The following DNAH11 variants were observed in gnomAD, a reference collection of about 807,000 sequenced individuals.
DNAH11 encodes dynein axonemal heavy chain 11.
A neutral mutation model predicts 526.0 loss-of-function variants in DNAH11; 442 were observed. The observed-to-expected ratio is 0.84, with a 90% CI of 0.78 to 0.91. DNAH11 has a LOEUF of 0.91. Among genes scored for constraint, DNAH11 ranks in the 40% least tolerant of loss-of-function variants. The probability of loss-of-function intolerance (pLI) is 0.00; values close to 1 mark genes in which losing one functional copy is unlikely to be tolerated. For synonymous variants in DNAH11, 2,461 were observed against 1,935.9 expected (o/e 1.27, Z -7.12); for missense variants, 6,989 against 5,448.7 (o/e 1.28, Z -8.90).
At chr7:21,652,121 A>G (rs1411824710) in intron 28 of DNAH11, among the ~76,000 whole-genome samples, 1 of 152,242 alleles carries the variant, frequency 6.6e-6, no homozygotes, top group Non-Finnish European at 1.5e-5. Flanking sequence ...GAGCTGACGG[A>G]CAGTGATGAC....
chr7:21,628,067 T>C (rs1413310123), intron 25 of DNAH11, among the ~76,000 whole-genome samples: 2 of 152,190 alleles, frequency 1.3e-5, no homozygotes, highest in African/African-American at 4.8e-5. Context: ...TGTGATTGCC[T>C]TCTTGATTTC....
chr7:21,745,093 C>G (rs1337401241), intron 51 of DNAH11, 30 bp downstream of exon 51: 1 of 1,577,186 alleles, frequency 6.3e-7, no homozygotes, highest in South Asian at 1.2e-5. Flanking sequence ...TGCTTTTCCA[C>G]AAAAGGAAGA....
chr7:21,692,688 A>G (rs1225473530), intron 35 of DNAH11, among the ~76,000 whole-genome samples: 5 of 152,200 alleles, frequency 3.3e-5, no homozygotes, highest in Non-Finnish European at 7.3e-5. Context: ...ACAGATATCT[A>G]TGGCTGGAAT....
chr7:21,619,244 C>G (rs1381851278), intron 24 of DNAH11, 22 bp downstream of exon 24: 1 of 1,602,426 alleles, frequency 6.2e-7, no homozygotes, highest in African/African-American at 1.3e-5. Context: ...GGGACTGGGT[C>G]ATTTCTACTT....
chr7:21,586,503 A>C (rs1305853493), intron 9 of DNAH11, among the ~76,000 whole-genome samples: 8 of 152,180 alleles, frequency 5.3e-5, no homozygotes, highest in Non-Finnish European at 1.5e-5. Context: ...TGTTTGTCTA[A>C]ATTGATCCCT....
intron 25 of DNAH11, among the ~76,000 whole-genome samples, chr7:21,623,845 T>C (rs1404984367): frequency 1.3e-5 from 2 of 151,570 alleles, no homozygotes; most frequent in African/African-American, 2.4e-5. Context: ...GGGATAGCAT[T>C]AGGAGATACA....
At chr7:21,580,971 G>C (rs1784286199) in intron 8 of DNAH11, among the ~76,000 whole-genome samples, 1 of 152,108 alleles carries the variant, frequency 6.6e-6, no homozygotes, top group East Asian at 1.9e-4. Flanking sequence ...AGTTTGTTTT[G>C]TCACCTATAA....
At position 21,698,108 on chromosome 7, in the gene DNAH11, A is replaced by G. The variant is rs1208136502; in HGVS notation, c.6075A>G (p.Leu2025=). ...CCATGGTGGCCCCTGACATTGAGCT[A>G]ATCTGTGAAATCTTGTTAGTTGCTG... ...PCAMVAPDIE[L]ICEILLVAEG... is the part of the protein sequence containing the mutation. Residue 2025 remains leucine (L), a synonymous_variant, in exon 36 of 82, where the codon CTA becomes CTG. Transcript: ENST00000409508. The G allele has an allele frequency of 6.2e-7, 1 of 1,613,358 alleles. No homozygotes were observed. Among genetic ancestry groups the G allele is most frequent in the East Asian group, 2.2e-5 (1 of 44,892 alleles).
intron 69 of DNAH11, among the ~76,000 whole-genome samples, chr7:21,862,949 A>G (rs374929684): frequency 5.3e-5 from 8 of 152,110 alleles, no homozygotes; most frequent in African/African-American, 9.6e-5. Flanking sequence ...CTGTAGTCCC[A>G]GCTACTTGGG....
At chr7:21,753,297 C>T (rs1258771102) in intron 54 of DNAH11, among the ~76,000 whole-genome samples, 1 of 152,144 alleles carries the variant, frequency 6.6e-6, no homozygotes, top group African/African-American at 2.4e-5. Context: ...ACCCTAAGCT[C>T]ATGTCTTACT....
chr7:21,896,427 T>C (rs1279424286), intron 79 of DNAH11, among the ~76,000 whole-genome samples: 1 of 152,220 alleles, frequency 6.6e-6, no homozygotes, highest in Non-Finnish European at 1.5e-5. Flanking sequence ...TTTTCTAGCT[T>C]TGATTGTAGA....
intron 20 of DNAH11, among the ~76,000 whole-genome samples, chr7:21,610,800 C>G (rs1785491027): frequency 6.6e-6 from 1 of 152,048 alleles, no homozygotes; most frequent in South Asian, 2.1e-4. Context: ...TGGAGGAAAT[C>G]ACTTAGAACG....
At chr7:21,646,855 A>G (rs1787375838) in intron 28 of DNAH11, among the ~76,000 whole-genome samples, 1 of 152,180 alleles carries the variant, frequency 6.6e-6, no homozygotes, top group African/African-American at 2.4e-5. Context: ...CCAGGAAAAA[A>G]ATCTCAAAAG....
chr7:21,628,953 G>A (rs1335958688), intron 25 of DNAH11, among the ~76,000 whole-genome samples: 1 of 151,946 alleles, frequency 6.6e-6, no homozygotes, highest in African/African-American at 2.4e-5. Flanking sequence ...ATGTTCACTT[G>A]GGATTGTTTT....
At chr7:21,765,239 G>T (rs1393001323) in intron 54 of DNAH11, among the ~76,000 whole-genome samples, 189 bp from the exon 55 acceptor site, 3 of 152,176 alleles carry the variant, frequency 2.0e-5, no homozygotes. Context: ...GTCCAGTGGA[G>T]CAGCCTCTTT....
chr7:21,609,769 C>G lies in DNAH11; in HGVS notation c.3852+3036C>G, dbSNP rs1469778377. On this transcript the variant is annotated intron_variant, in intron 20 of 81. Coordinates refer to ENST00000409508, the MANE Select transcript of DNAH11 (RefSeq NM_001277115.2). ...GAAAAAATAGAGGCAAATGCAGAAG[C>G]CTGTGCTGCTGTAGTGAAAATGGAA... Among the ~76,000 whole-genome samples, 10 of 151,466 alleles carry G rather than the reference C, an allele frequency of 6.6e-5. No individual in the cohort carries two copies. The Admixed American group carries it at 6.7e-4, about 10-fold the overall frequency.
chr7:21,636,000 T>C lies in DNAH11; in HGVS notation c.4630T>C (p.Ser1544Pro). 1 of 1,613,706 alleles carries C rather than the reference T, an allele frequency of 6.2e-7. No individual in the cohort carries two copies. Among genetic ancestry groups the C allele is most frequent in the Non-Finnish European group, 8.5e-7 (1 of 1,179,772 alleles). ...FTWMEVQRTW[S>P]HLESIFVCSE... ...TTGGATGGAAGTCCAGCGAACTTGG[T>C]CTCACCTGGAAAGCATTTTTGTCTG... Residue 1544 changes from serine to proline, a missense_variant, in exon 26 of 82, where the codon TCT (serine) becomes CCT (proline). Coordinates refer to ENST00000409508, the MANE Select transcript of DNAH11 (RefSeq NM_001277115.2).
intron 25 of DNAH11, among the ~76,000 whole-genome samples, chr7:21,623,021 G>C (rs1786151579): frequency 6.6e-6 from 1 of 152,050 alleles, no homozygotes. Context: ...TACCATCAGA[G>C]TGAACAGGCA....
chr7:21,658,716 C>T (rs916226459), intron 29 of DNAH11, 82 bp from the exon 30 acceptor site: 76 of 1,191,536 alleles, frequency 6.4e-5, no homozygotes, highest in African/African-American at 7.7e-5. Flanking sequence ...TTACCCTCTG[C>T]GTGGCCTTAG....
Sources: gnomAD v4.1 joint callset for allele counts (sites outside exome capture counted in the v4.1 genomes callset) on GRCh38, gnomAD v4.1.1 for gene constraint, MANE v1.5 for transcripts, NCBI Gene and HGNC (gene_info 2026-07-23, HGNC 2026-07-21) for gene names.